CERS5: variants seen among roughly 807,000 people sequenced by gnomAD.
CERS5 encodes the protein LAG1 homolog, ceramide synthase 5.
Under a neutral mutation model 58.9 loss-of-function variants are expected in CERS5, and 37 were observed. That is an observed-to-expected ratio of 0.63 (90% confidence interval 0.48 to 0.83). The LOEUF (loss-of-function observed/expected upper bound fraction) is 0.83. Ranked by LOEUF, CERS5 falls within the 40% of genes least tolerant of loss-of-function variation. CERS5 has a pLI of 0.00. For synonymous variants in CERS5, 147 were observed against 177.8 expected, an observed-to-expected ratio of 0.83 and a Z score of 1.38; for missense variants, 398 against 489.3, an observed-to-expected ratio of 0.81 and a Z score of 1.76.
At chr12:50,164,747 G>C (rs1162307840) in intron 1 of CERS5, among the ~76,000 whole-genome samples, 1 of 152,102 alleles carries the variant, frequency 6.6e-6, no homozygotes, top group Non-Finnish European at 1.5e-5. Flanking sequence ...CCTTCCAGCA[G>C]CTCTGCCAGG....
rs1951523869 is a variant in CERS5 at position 50,134,531 on chromosome 12, A to G, written c.1029+15T>C. On this transcript the variant is annotated intron_variant, in intron 9 of 9. Transcript: ENST00000317551. ...CTTCCATACCCAAAAGAAAGAAGCCATCTTTCATCCTCACCTTTCCCCTGA... is the reference window on the plus strand; with the variant it reads ...CTTCCATACCCAAAAGAAAGAAGCCGTCTTTCATCCTCACCTTTCCCCTGA... 7 of 1,614,172 alleles carry G rather than the reference A, an allele frequency of 4.3e-6. No homozygotes were observed. The highest frequency in any genetic ancestry group is 5.9e-6 in the Non-Finnish European group (7 of 1,180,020).
chr12:50,148,662 T>G (rs545787294), intron 1 of CERS5: 16 of 236,534 alleles, frequency 6.8e-5, no homozygotes, highest in African/African-American at 3.7e-4. Flanking sequence ...TTTGGGAGGT[T>G]GAGGCAGGCT....
intron 1 of CERS5, among the ~76,000 whole-genome samples, chr12:50,153,296 T>C (rs1333947429): frequency 3.2e-5 from 4 of 125,620 alleles, no homozygotes; most frequent in East Asian, 2.9e-4. Flanking sequence ...TTTTTTTTTT[T>C]CTGAGACGGA....
At chr12:50,138,094 G>C (rs1951781816) in intron 5 of CERS5, among the ~76,000 whole-genome samples, 1 of 152,136 alleles carries the variant, frequency 6.6e-6, no homozygotes, top group Non-Finnish European at 1.5e-5. Flanking sequence ...AGTATGTCTA[G>C]GATTCTGGGC....
chr12:50,148,254 G>A (rs1389695359), intron 1 of CERS5, among the ~76,000 whole-genome samples: 1 of 151,946 alleles, frequency 6.6e-6, no homozygotes, highest in Non-Finnish European at 1.5e-5. Flanking sequence ...AGTGGGCTGT[G>A]ATTGCGCCAC....
intron 1 of CERS5, among the ~76,000 whole-genome samples, chr12:50,150,506 T>C (rs1330511789): frequency 6.6e-6 from 1 of 152,142 alleles, no homozygotes. Flanking sequence ...TTGGGTATGA[T>C]ATATATATAG....
chr12:50,148,781 T>G (rs1450199323), intron 1 of CERS5, among the ~76,000 whole-genome samples: 3 of 151,094 alleles, frequency 2.0e-5, no homozygotes, highest in African/African-American at 7.3e-5. Flanking sequence ...CGTGCACACC[T>G]GTATTCCCAA....
intron 1 of CERS5, among the ~76,000 whole-genome samples, chr12:50,148,915 A>ATAT (rs1288478655): frequency 6.9e-5 from 4 of 57,664 alleles, no homozygotes; most frequent in Non-Finnish European, 1.4e-4. Flanking sequence ...AAAAAAAAAA[A>ATAT]AAAAAAAAAA....
chr12:50,147,795 T>C (rs1270062040), intron 1 of CERS5, among the ~76,000 whole-genome samples: 1 of 152,188 alleles, frequency 6.6e-6, no homozygotes, highest in Non-Finnish European at 1.5e-5. Context: ...TTATTTATAT[T>C]GAGACAGGGT....
chr12:50,162,589 C>A (rs1387708492), intron 1 of CERS5, among the ~76,000 whole-genome samples: 1 of 151,286 alleles, frequency 6.6e-6, no homozygotes, highest in Non-Finnish European at 1.5e-5. Context: ...CCCAATATAC[C>A]TCTTTATCTC....
At chr12:50,148,048 A>G (rs1381758506) in intron 1 of CERS5, among the ~76,000 whole-genome samples, 3 of 151,808 alleles carry the variant, frequency 2.0e-5, no homozygotes, top group Non-Finnish European at 2.9e-5. Context: ...AATGCCTGTT[A>G]TCCTAGCACT....
chr12:50,156,242 A>G (rs941271822), intron 1 of CERS5, among the ~76,000 whole-genome samples: 1 of 150,434 alleles, frequency 6.6e-6, no homozygotes, highest in Non-Finnish European at 1.5e-5. Flanking sequence ...TCTACTAAAA[A>G]TACAAAAAAA....
intron 6 of CERS5, 93 bp from the exon 7 acceptor site, chr12:50,136,162 A>C: frequency 8.6e-7 from 1 of 1,156,536 alleles, no homozygotes; most frequent in Middle Eastern, 2.4e-4. Context: ...TAAGAATCTT[A>C]CCCCACCCCA....
chr12:50,142,297 G>A (rs1952013313), intron 3 of CERS5, among the ~76,000 whole-genome samples, 187 bp from the exon 4 acceptor site: 1 of 152,160 alleles, frequency 6.6e-6, no homozygotes, highest in Non-Finnish European at 1.5e-5. Context: ...GCTCACACCT[G>A]TAATCCCAGC....
intron 1 of CERS5, among the ~76,000 whole-genome samples, chr12:50,148,927 A>ATATAT (rs1292802919): frequency 2.1e-5 from 1 of 48,038 alleles, no homozygotes; most frequent in African/African-American, 7.7e-5. Flanking sequence ...AAAAAAAAAA[A>ATATAT]ATATATATAT....
At chr12:50,144,959 C>T (rs1249509046) in intron 1 of CERS5, 4 of 366,666 alleles carry the variant, frequency 1.1e-5, no homozygotes, top group Non-Finnish European at 2.0e-5. Context: ...CATAGTGAAA[C>T]CCCGTCTCTA....
rs1032305699 is a variant in CERS5, at chr12:50,143,233, C to G, written c.304-29G>C. 1.9e-6 allele frequency: 3 copies of G among 1,613,046 alleles called. No individual in the cohort carries two copies. The African/African-American group carries it at 4.0e-5, about 22-fold the overall frequency. ...TGAATGTATAACCAGAGTCAGAACA[C>G]CCGTCTCCTCATACCCCTCCTTCAA... On this transcript the variant is annotated intron_variant, in intron 2 of 9. Transcript: ENST00000317551.
intron 1 of CERS5, among the ~76,000 whole-genome samples, chr12:50,166,688 T>C (rs1210875170): frequency 6.6e-6 from 1 of 152,304 alleles, no homozygotes; most frequent in East Asian, 1.9e-4. Flanking sequence ...GGCCCTTGCG[T>C]TGACCCCTCG....
At chr12:50,167,044 A>C (rs1009016178) in intron 1 of CERS5, 57 bp downstream of exon 1, 9 of 1,350,890 alleles carry the variant, frequency 6.7e-6, no homozygotes, top group Admixed American at 2.7e-5. Flanking sequence ...CCCTTCCCAC[A>C]GCGGGGCGCC....
Sources: allele counts gnomAD v4.1 joint callset (sites outside exome capture counted in the v4.1 genomes callset), GRCh38; gene constraint gnomAD v4.1.1; transcripts MANE v1.5; gene names NCBI Gene and HGNC (gene_info 2026-07-23, HGNC 2026-07-21).